The following PCDHA7 variants were observed in gnomAD, a reference collection of about 807,000 sequenced individuals.
PCDHA7 encodes the protein protocadherin alpha-7.
In PCDHA7, 37 loss-of-function variants were observed where a neutral mutation model predicts 57.2. The observed-to-expected ratio is 0.65, with a 90% CI of 0.50 to 0.85. PCDHA7 has a LOEUF of 0.85. PCDHA7 is among the 40% of genes least tolerant of loss of function. The probability of loss-of-function intolerance (pLI) is 0.00; values close to 1 mark genes in which losing one functional copy is unlikely to be tolerated. For synonymous variants in PCDHA7, 553 were observed against 558.8 expected (o/e 0.99, Z 0.15); for missense variants, 1,188 against 1,241.8 (o/e 0.96, Z 0.65).
chr5:140,917,323 G>C (rs1363512198), intron 1 of PCDHA7, among the ~76,000 whole-genome samples: 1 of 147,758 alleles, frequency 6.8e-6, no homozygotes, highest in African/African-American at 2.5e-5. Context: ...TGTTCATGTG[G>C]CGGGGGAGGG....
chr5:140,842,130 A>G (rs2150330073), intron 1 of PCDHA7: 80 of 1,613,774 alleles, frequency 5.0e-5, no homozygotes, highest in Non-Finnish European at 6.6e-5. Context: ...TCTGATCCGG[A>G]TGAAGGAGCC....
intron 1 of PCDHA7, among the ~76,000 whole-genome samples, chr5:140,897,779 G>T (rs1157810079): frequency 6.6e-6 from 1 of 152,138 alleles, no homozygotes; most frequent in Non-Finnish European, 1.5e-5. Flanking sequence ...CTTCCACAAT[G>T]GTTGAACTAG....
At chr5:140,850,277 G>A (rs2150477192) in intron 1 of PCDHA7, 1 of 1,595,522 alleles carries the variant, frequency 6.3e-7, no homozygotes, top group South Asian at 1.1e-5. Flanking sequence ...TGGGGAAGGT[G>A]CGCGCAGTGG....
At chr5:140,969,919 T>C (rs773906362) in intron 1 of PCDHA7, among the ~76,000 whole-genome samples, 1 of 152,198 alleles carries the variant, frequency 6.6e-6, no homozygotes, top group South Asian at 2.1e-4. Flanking sequence ...GATAAAGCTG[T>C]AGTATTTAGA....
At chr5:140,921,777 C>G (rs1434211783) in intron 1 of PCDHA7, among the ~76,000 whole-genome samples, 1 of 152,030 alleles carries the variant, frequency 6.6e-6, no homozygotes, top group Non-Finnish European at 1.5e-5. Flanking sequence ...TCAATACTGA[C>G]TTGGATGTTC....
chr5:141,008,430 GC>G (rs1252417058), intron 3 of PCDHA7, among the ~76,000 whole-genome samples: 2 of 152,260 alleles, frequency 1.3e-5, no homozygotes, highest in African/African-American at 4.8e-5. Context: ...GGATCACTTT[GC>G]CCAGACAGAC....
At position 140,845,521 on chromosome 5, in the gene PCDHA7, A is replaced by G. The variant is rs1275261867; in HGVS notation, c.2355+8783A>G. Among the ~76,000 whole-genome samples, 5 of 149,702 alleles carry G rather than the reference A, an allele frequency of 3.3e-5. No homozygotes were observed. In the East Asian group the frequency reaches 9.7e-4, roughly 29 times the overall value. ...GTCTAAACCTATTTCTTGTACATTA[A>G]TACTTTTCACTATTCTAATTATGGT... On this transcript the variant is annotated intron_variant, in intron 1 of 3. Transcript: ENST00000525929.
intron 1 of PCDHA7, among the ~76,000 whole-genome samples, chr5:140,965,292 C>T (rs1305794672): frequency 6.6e-6 from 1 of 152,152 alleles, no homozygotes; most frequent in Non-Finnish European, 1.5e-5. Flanking sequence ...GAAAGATTTC[C>T]TCTGATCCTT....
intron 1 of PCDHA7, chr5:140,870,855 G>T: frequency 3.7e-6 from 6 of 1,613,910 alleles, no homozygotes; most frequent in East Asian, 2.2e-5. Context: ...CGCGGTCGGT[G>T]GGTGCGGGCC....
At chr5:140,880,241 C>A (rs529552139) in intron 1 of PCDHA7, among the ~76,000 whole-genome samples, 1 of 150,190 alleles carries the variant, frequency 6.7e-6, no homozygotes, top group African/African-American at 2.5e-5. Flanking sequence ...AGTGTATGTG[C>A]GTGTGTGTAT....
chr5:141,003,044 T>C (rs1459180030), intron 3 of PCDHA7, among the ~76,000 whole-genome samples: 1 of 152,230 alleles, frequency 6.6e-6, no homozygotes, highest in African/African-American at 2.4e-5. Flanking sequence ...CCTCCTGGCC[T>C]TAACAGAACA....
chr5:140,908,456 T>C (rs557022321), intron 1 of PCDHA7, among the ~76,000 whole-genome samples: 2 of 152,174 alleles, frequency 1.3e-5, no homozygotes, highest in South Asian at 4.1e-4. Context: ...GCTAGATGGA[T>C]CAGAAAGCAC....
At chr5:140,850,669 C>A in intron 1 of PCDHA7, 1 of 1,598,502 alleles carries the variant, frequency 6.3e-7, no homozygotes, top group South Asian at 1.1e-5. Flanking sequence ...CGGTGCTCGG[C>A]GATGCCCACC....
Position 140,928,034 on chromosome 5 carries a change from G to T in PCDHA7, c.2356-50915G>T. 3 of 1,614,206 alleles carry T rather than the reference G, an allele frequency of 1.9e-6. No homozygotes were observed. Among genetic ancestry groups the T allele is most frequent in the Non-Finnish European group, 2.5e-6 (3 of 1,180,036 alleles). Reference sequence around the variant, plus strand: ...GGTAGGGTCATTTGTGGCATGTCTAGTGCAGGCCCTTTTCAGCTGACGGCT... The same window carrying T: ...GGTAGGGTCATTTGTGGCATGTCTATTGCAGGCCCTTTTCAGCTGACGGCT... On this transcript the variant is annotated intron_variant, in intron 1 of 3. Transcript: ENST00000525929.
intron 1 of PCDHA7, chr5:140,857,619 A>C (rs1554150364): frequency 6.3e-7 from 1 of 1,596,352 alleles, no homozygotes; most frequent in South Asian, 1.1e-5. Flanking sequence ...CCGCTGGACC[A>C]CGAGGAGCTG....
chr5:140,942,359 C>T (rs943225700), intron 1 of PCDHA7, among the ~76,000 whole-genome samples: 5 of 151,564 alleles, frequency 3.3e-5, no homozygotes, highest in Non-Finnish European at 5.9e-5. Flanking sequence ...TTGCAGTTAA[C>T]GGAGATTGCA....
intron 1 of PCDHA7, among the ~76,000 whole-genome samples, chr5:140,879,496 C>T (rs186624809): frequency 6.6e-6 from 1 of 152,204 alleles, no homozygotes; most frequent in Admixed American, 6.5e-5. Context: ...GGGTCTGGAT[C>T]TCAGAAGAGA....
intron 1 of PCDHA7, among the ~76,000 whole-genome samples, chr5:140,974,459 C>G (rs59098360): frequency 0.013 from 1,989 of 152,274 alleles, 54 homozygotes; most frequent in African/African-American, 0.046. Flanking sequence ...TGACTACATT[C>G]AGAGGAAAGT....
At chr5:140,927,896 A>C in intron 1 of PCDHA7, 1 of 1,614,200 alleles carries the variant, frequency 6.2e-7, no homozygotes, top group East Asian at 2.2e-5. Flanking sequence ...GACGTGAACG[A>C]TCATGCCCCC....
Sources: allele counts gnomAD v4.1 joint callset (sites outside exome capture counted in the v4.1 genomes callset), GRCh38; gene constraint gnomAD v4.1.1; transcripts MANE v1.5; gene names NCBI Gene and HGNC (gene_info 2026-07-23, HGNC 2026-07-21).